Variants in KIAA1217 observed in about 807,000 individuals in gnomAD.
KIAA1217 encodes KIAA1217.
A neutral mutation model predicts 163.9 loss-of-function variants in KIAA1217; 88 were observed. That is an observed-to-expected ratio of 0.54 (90% CI 0.45 to 0.64). The LOEUF (loss-of-function observed/expected upper bound fraction) is 0.64, where lower values mean the gene tolerates loss of function less well. Ranked by LOEUF, KIAA1217 falls within the 30% of genes least tolerant of loss-of-function variation. KIAA1217 has a pLI of 0.00. For synonymous variants in KIAA1217, 903 were observed against 923.1 expected, an observed-to-expected ratio of 0.98 and a Z score of 0.39; for missense variants, 2,372 against 2,475.0, an observed-to-expected ratio of 0.96 and a Z score of 0.88.
intron 2 of KIAA1217, among the ~76,000 whole-genome samples, chr10:24,021,152 G>A (rs1352552145): frequency 6.6e-6 from 1 of 151,778 alleles, no homozygotes; most frequent in Non-Finnish European, 1.5e-5. Flanking sequence ...AATCTCAATA[G>A]ATAAGTAGAA....
At chr10:24,212,345 A>G (rs1298599920) in intron 1 of KIAA1217, among the ~76,000 whole-genome samples, 1 of 152,156 alleles carries the variant, frequency 6.6e-6, no homozygotes, top group African/African-American at 2.4e-5. Flanking sequence ...ATCTTTTGAT[A>G]GATTAGGATT....
chr10:24,315,362 C>G (rs888865530), intron 2 of KIAA1217, among the ~76,000 whole-genome samples: 1 of 152,202 alleles, frequency 6.6e-6, no homozygotes, highest in Non-Finnish European at 1.5e-5. Context: ...TCTAAGTACA[C>G]TATACACTTC....
chr10:24,446,995 C>T (rs1243949098), intron 5 of KIAA1217, among the ~76,000 whole-genome samples: 1 of 152,076 alleles, frequency 6.6e-6, no homozygotes, highest in African/African-American at 2.4e-5. Context: ...CGCCACATGT[C>T]CATGGGCCTC....
chr10:24,516,568 G>C (rs903678572), intron 10 of KIAA1217, among the ~76,000 whole-genome samples: 2 of 152,238 alleles, frequency 1.3e-5, no homozygotes, highest in African/African-American at 4.8e-5. Flanking sequence ...TGCCTAGAAT[G>C]ATGAGGAAGA....
chr10:23,906,951 T>G (rs1417877441), intron 1 of KIAA1217, among the ~76,000 whole-genome samples: 1 of 152,094 alleles, frequency 6.6e-6, no homozygotes, highest in Non-Finnish European at 1.5e-5. Flanking sequence ...AGGGAATATT[T>G]ATAAGAAGCA....
chr10:23,771,106 G>C (rs1013267846), intron 1 of KIAA1217, among the ~76,000 whole-genome samples: 5 of 152,160 alleles, frequency 3.3e-5, no homozygotes, highest in Non-Finnish European at 7.3e-5. Flanking sequence ...GAATGATTAT[G>C]ACATGGTTCA....
At chr10:24,323,558 T>C (rs2044450804) in intron 2 of KIAA1217, among the ~76,000 whole-genome samples, 1 of 152,212 alleles carries the variant, frequency 6.6e-6, no homozygotes, top group Non-Finnish European at 1.5e-5. Flanking sequence ...TGACCTTTAC[T>C]TCTCAGTAAT....
intron 1 of KIAA1217, among the ~76,000 whole-genome samples, chr10:23,872,374 C>A (rs899832651): frequency 2.0e-5 from 3 of 152,032 alleles, no homozygotes; most frequent in African/African-American, 7.2e-5. Context: ...TTTAGGAGAA[C>A]AAGTTCACTC....
intron 2 of KIAA1217, among the ~76,000 whole-genome samples, chr10:24,038,770 G>C (rs1301566848): frequency 1.7e-5 from 1 of 57,786 alleles, no homozygotes; most frequent in Non-Finnish European, 3.4e-5. Flanking sequence ...TTTTTTTTTT[G>C]AGACACAGTC....
chr10:23,867,005 C>T (rs1167622611), intron 1 of KIAA1217, among the ~76,000 whole-genome samples: 1 of 131,268 alleles, frequency 7.6e-6, no homozygotes, highest in Non-Finnish European at 1.6e-5. Context: ...CCCCCTCCCC[C>T]CACCGCACAA....
At chr10:23,917,855 A>G (rs536293966) in intron 1 of KIAA1217, among the ~76,000 whole-genome samples, 1 of 152,332 alleles carries the variant, frequency 6.6e-6, no homozygotes, top group African/African-American at 2.4e-5. Flanking sequence ...TCTTCCATTT[A>G]GAGAGGTATG....
intron 17 of KIAA1217, among the ~76,000 whole-genome samples, chr10:24,539,466 G>C (rs1441450115): frequency 6.6e-6 from 1 of 151,018 alleles, no homozygotes; most frequent in African/African-American, 2.4e-5. Context: ...ACTGACCTCA[G>C]GTGATCCACC....
intron 2 of KIAA1217, among the ~76,000 whole-genome samples, chr10:24,248,670 CA>C (rs929995548): frequency 0.029 from 1,050 of 36,424 alleles, no homozygotes; most frequent in African/African-American, 0.034. Flanking sequence ...GACTCCATCT[CA>C]AAAAAAAAAA....
At chr10:24,192,725 A>G (rs979616776) in intron 2 of KIAA1217, among the ~76,000 whole-genome samples, 1 of 152,176 alleles carries the variant, frequency 6.6e-6, no homozygotes, top group African/African-American at 2.4e-5. Context: ...GACATTTACA[A>G]TGTCTGGGGT....
At chr10:23,782,176 T>C (rs1432457920) in intron 1 of KIAA1217, among the ~76,000 whole-genome samples, 2 of 152,222 alleles carry the variant, frequency 1.3e-5, no homozygotes, top group Non-Finnish European at 2.9e-5. Context: ...TGTAATAATA[T>C]TCTTTCAACA....
chr10:23,974,772 A>G (rs569655501), intron 1 of KIAA1217, among the ~76,000 whole-genome samples: 2 of 152,176 alleles, frequency 1.3e-5, no homozygotes, highest in Non-Finnish European at 2.9e-5. Flanking sequence ...TGCTGCTACT[A>G]TGTGAAACAC....
intron 2 of KIAA1217, among the ~76,000 whole-genome samples, chr10:24,312,398 C>T (rs563649038): frequency 6.6e-6 from 1 of 152,138 alleles, no homozygotes; most frequent in Non-Finnish European, 1.5e-5. Context: ...GCCGAATCAC[C>T]TGAGGTCAGG....
chr10:23,967,612 G>GCATCC (rs1845120785), intron 1 of KIAA1217, among the ~76,000 whole-genome samples: 1 of 152,236 alleles, frequency 6.6e-6, no homozygotes, highest in East Asian at 1.9e-4. Flanking sequence ...TGGGGAAATA[G>GCATCC]CATCCCTCTA....
intron 2 of KIAA1217, among the ~76,000 whole-genome samples, chr10:24,365,067 A>G (rs560935488): frequency 6.6e-6 from 1 of 152,200 alleles, no homozygotes; most frequent in East Asian, 1.9e-4. Context: ...AGCCTCCCAA[A>G]GTGCTGGGGT....
Sources: gnomAD v4.1 joint callset for allele counts (sites outside exome capture counted in the v4.1 genomes callset) on GRCh38, gnomAD v4.1.1 for gene constraint, MANE v1.5 for transcripts, NCBI Gene and HGNC (gene_info 2026-07-23, HGNC 2026-07-21) for gene names.